LAMB4: variants seen among roughly 807,000 people sequenced by gnomAD.
LAMB4 encodes the protein laminin subunit beta 4.
Under a neutral mutation model 199.2 loss-of-function variants are expected in LAMB4, and 196 were observed. The ratio of observed to expected loss-of-function variants is 0.98; its 90% CI spans 0.88 to 1.11. LAMB4 has a LOEUF of 1.11. LAMB4 is among the 50% of genes least tolerant of loss of function. The pLI is 0.00. For synonymous variants in LAMB4, 744 were observed against 770.6 expected, an observed-to-expected ratio of 0.97 and a Z score of 0.57; for missense variants, 2,080 against 2,171.2, an observed-to-expected ratio of 0.96 and a Z score of 0.83.
At chr7:108,036,247 C>T (rs546114985) in intron 30 of LAMB4, among the ~76,000 whole-genome samples, 3 of 150,810 alleles carry the variant, frequency 2.0e-5, no homozygotes, top group East Asian at 2.0e-4. Flanking sequence ...TGGAGTGCAA[C>T]GGCGCAATCT....
intron 1 of LAMB4, among the ~76,000 whole-genome samples, chr7:108,125,635 A>C (rs1476088684): frequency 6.6e-6 from 1 of 152,238 alleles, no homozygotes; most frequent in African/African-American, 2.4e-5. Context: ...AGTCCAAAGC[A>C]AAAGACTGTT....
In LAMB4 at chr7:108,046,055, G is replaced by C. The variant is rs1224021613; in HGVS notation, c.4326+1853C>G. On this transcript the variant is annotated intron_variant, in intron 28 of 33. Transcript: ENST00000388781. Reference sequence around the variant, plus strand: ...TTACATATATTTCCTTCTTGTTCAGGAGTGGGTCTTTTTGTTTTTGGTTTT... The same window carrying C: ...TTACATATATTTCCTTCTTGTTCAGCAGTGGGTCTTTTTGTTTTTGGTTTT... Among the ~76,000 whole-genome samples the C allele has an allele frequency of 2.6e-5, 4 of 151,758 alleles. No individual in the cohort carries two copies. In the South Asian group the frequency reaches 6.3e-4, roughly 24 times the overall value.
At chr7:108,037,027 GA>G (rs2035254790) in intron 30 of LAMB4, among the ~76,000 whole-genome samples, 1 of 151,870 alleles carries the variant, frequency 6.6e-6, no homozygotes, top group Middle Eastern at 3.2e-3. Flanking sequence ...AGTAAACTTA[GA>G]AAATACCAAA....
chr7:108,078,895 C>T (rs909844548), intron 15 of LAMB4, among the ~76,000 whole-genome samples: 2 of 152,160 alleles, frequency 1.3e-5, no homozygotes, highest in Admixed American at 1.3e-4. Context: ...TCACACATTT[C>T]AAAGCAGATC....
chr7:108,020,811 A>T (rs77429160), downstream of LAMB4, among the ~76,000 whole-genome samples: 1,840 of 152,292 alleles, frequency 0.012, 40 homozygotes, highest in African/African-American at 0.042. Context: ...TTACTCGATA[A>T]TATAATGGTT....
intron 30 of LAMB4, among the ~76,000 whole-genome samples, 187 bp from the exon 31 acceptor site, chr7:108,034,533 A>G (rs2035158149): frequency 6.6e-6 from 1 of 152,122 alleles, no homozygotes; most frequent in Non-Finnish European, 1.5e-5. Flanking sequence ...ATGCCAATAA[A>G]AAAAACCCCA....
Position 108,037,510 on chromosome 7 carries a change from G to A in LAMB4, c.4557C>T (p.Thr1519=), listed in dbSNP as rs536120177. 17 of 1,613,984 alleles carry A rather than the reference G, an allele frequency of 1.1e-5. No individual in the cohort carries two copies. Among genetic ancestry groups the A allele is most frequent in the African/African-American group, 1.3e-5 (1 of 75,008 alleles). The change falls in exon 30 of 34, where the codon ACC becomes ACT. Residue 1519 remains threonine (T), a synonymous_variant. Transcript: ENST00000388781. ...IHLPIPSQNL[T]DELVKIQKHM... is the part of the protein sequence containing the mutation. Reference sequence around the variant, plus strand: ...GTTTCTGTATTTTGACAAGTTCATCGGTTAGATTTTGGGATGGAATTGGTA... The same window carrying A: ...GTTTCTGTATTTTGACAAGTTCATCAGTTAGATTTTGGGATGGAATTGGTA...
chr7:108,092,215 A>C, intron 13 of LAMB4, 122 bp downstream of exon 13: 1 of 707,332 alleles, frequency 1.4e-6, no homozygotes, highest in Non-Finnish European at 2.4e-6. Context: ...GCTGTAGTTA[A>C]TGTCTCAAGA....
intron 14 of LAMB4, 23 bp downstream of exon 14, chr7:108,091,603 G>T: frequency 6.2e-7 from 1 of 1,608,574 alleles, no homozygotes; most frequent in South Asian, 1.1e-5. Flanking sequence ...ACAGTCTGTA[G>T]GGAAAGTAAA....
intron 30 of LAMB4, among the ~76,000 whole-genome samples, chr7:108,035,179 T>G: frequency 6.6e-6 from 1 of 152,132 alleles, no homozygotes; most frequent in Non-Finnish European, 1.5e-5. Context: ...AGGGTACCAG[T>G]GTCCATTTTT....
intron 4 of LAMB4, among the ~76,000 whole-genome samples, 190 bp from the exon 5 acceptor site, chr7:108,109,434 G>T (rs977535732): frequency 6.6e-6 from 1 of 152,180 alleles, no homozygotes; most frequent in Non-Finnish European, 1.5e-5. Flanking sequence ...AGCAAGATAG[G>T]TTTCACCCTG....
chr7:108,106,211 A>G (rs1471533215), intron 7 of LAMB4, among the ~76,000 whole-genome samples, 180 bp from the exon 8 acceptor site: 1 of 152,180 alleles, frequency 6.6e-6, no homozygotes, highest in Admixed American at 6.5e-5. Context: ...TGAGCTCAAG[A>G]GTTCAAGACC....
At chr7:108,044,048 C>G (rs2035532716) in intron 28 of LAMB4, 152 bp from the exon 29 acceptor site, 2 of 582,100 alleles carry the variant, frequency 3.4e-6, no homozygotes, top group Non-Finnish European at 5.7e-6. Flanking sequence ...TGCAAGGAAT[C>G]TTTTACAAGG....
Position 108,047,805 on chromosome 7 carries a change from A to G in LAMB4, c.4326+103T>C, listed in dbSNP as rs547031960. 10 of 889,412 alleles carry G rather than the reference A, an allele frequency of 1.1e-5. No individual in the cohort carries two copies. The African/African-American group carries it at 1.6e-4, about 15-fold the overall frequency. 55.1% of individuals were successfully genotyped at this position (889,412 alleles called of 1,614,324 possible). A position where few individuals can be genotyped will look rare whatever the true frequency, so the allele number is the denominator to read the frequency against. On this transcript the variant is annotated intron_variant, in intron 28 of 33. Coordinates refer to ENST00000388781, the MANE Select transcript of LAMB4 (RefSeq NM_007356.3). ...GGCACAAGAACACCAACTATCTAGA[A>G]TCTATCTTCTCACTTGGAAGTTATA...
At chr7:108,027,164 TATTG>T (rs1380101288) in intron 33 of LAMB4, among the ~76,000 whole-genome samples, 1 of 152,096 alleles carries the variant, frequency 6.6e-6, no homozygotes, top group Non-Finnish European at 1.5e-5. Context: ...ACTTTCATGG[TATTG>T]TCTGACAAGT....
intron 22 of LAMB4, 152 bp from the exon 23 acceptor site, chr7:108,063,146 T>C: frequency 6.0e-6 from 3 of 503,616 alleles, no homozygotes; most frequent in Non-Finnish European, 1.0e-5. Context: ...TACCAAAGAA[T>C]CTATGTAGGT....
chr7:108,097,832 A>G (rs1220230035), intron 11 of LAMB4, among the ~76,000 whole-genome samples: 1 of 152,228 alleles, frequency 6.6e-6, no homozygotes, highest in Admixed American at 6.5e-5. Flanking sequence ...TCTAGTGGAA[A>G]CCAAAAAAAC....
At chr7:108,032,440 G>A (rs1466880454) in intron 31 of LAMB4, among the ~76,000 whole-genome samples, 2 of 152,010 alleles carry the variant, frequency 1.3e-5, no homozygotes, top group Admixed American at 1.3e-4. Flanking sequence ...TTCTTTACAC[G>A]TCTGGGGGAA....
At chr7:108,097,389 G>A (rs999419635) in intron 11 of LAMB4, among the ~76,000 whole-genome samples, 3 of 152,100 alleles carry the variant, frequency 2.0e-5, no homozygotes, top group African/African-American at 4.8e-5. Context: ...TTCTATTTCC[G>A]CTCCCCCGCT....
Sources: allele counts gnomAD v4.1 joint callset (sites outside exome capture counted in the v4.1 genomes callset), GRCh38; gene constraint gnomAD v4.1.1; transcripts MANE v1.5; gene names NCBI Gene and HGNC (gene_info 2026-07-23, HGNC 2026-07-21).